PPP2R2D: variants seen among roughly 807,000 people sequenced by gnomAD.
PPP2R2D encodes protein phosphatase 2 regulatory subunit Bdelta.
In PPP2R2D, 9 loss-of-function variants were observed where a neutral mutation model predicts 31.1. That is an observed-to-expected ratio of 0.29 (90% CI 0.17 to 0.51). The LOEUF (loss-of-function observed/expected upper bound fraction) is 0.51. PPP2R2D is among the 20% of genes least tolerant of loss of function. The pLI, the probability that PPP2R2D is intolerant of heterozygous loss-of-function variation, is 0.98. For synonymous variants in PPP2R2D, 179 were observed against 172.6 expected (o/e 1.04, Z -0.29); for missense variants, 391 against 465.6 (o/e 0.84, Z 1.48).
At chr10:131,952,538 T>TTGCGGGTGTGCGGGGGGTTCAC (rs2036676308) in intron 8 of PPP2R2D, among the ~76,000 whole-genome samples, 2 of 29,702 alleles carry the variant, frequency 6.7e-5, no homozygotes, top group African/African-American at 2.3e-4. Flanking sequence ...GTTCACTGTC[T>TTGCGGGTGTGCGGGGGGTTCAC]TAGTGACTTG....
At chr10:131,971,153 A>G in the PPP2R2D span, 1 of 606,982 alleles carries the variant, frequency 1.6e-6, no homozygotes, top group Non-Finnish European at 2.9e-6. Context: ...GCCGCGCCGC[A>G]CTCCCGGCTC....
chr10:131,906,949 G>GA (rs1256217044), intron 2 of PPP2R2D, among the ~76,000 whole-genome samples: 1 of 150,960 alleles, frequency 6.6e-6, no homozygotes, highest in Non-Finnish European at 1.5e-5. Context: ...TCAGAAAAAA[G>GA]AAAAAATAAT....
chr10:131,937,323 C>T (rs1280713421), intron 3 of PPP2R2D, among the ~76,000 whole-genome samples: 2 of 152,194 alleles, frequency 1.3e-5, no homozygotes, highest in East Asian at 1.9e-4. Flanking sequence ...GCCCACAGAA[C>T]GTATGGGTGT....
chr10:131,916,520 A>G (rs1260774656), intron 2 of PPP2R2D, among the ~76,000 whole-genome samples: 1 of 152,190 alleles, frequency 6.6e-6, no homozygotes, highest in African/African-American at 2.4e-5. Context: ...ACTTTGTCCT[A>G]TTAAACAATA....
At chr10:131,965,481 G>A in the PPP2R2D span, among the ~76,000 whole-genome samples, 27 of 152,194 alleles carry the variant, frequency 1.8e-4, no homozygotes, top group South Asian at 2.7e-3. Flanking sequence ...ACAGAGTCTC[G>A]CTCTGTCGCC....
chr10:131,915,643 G>T (rs1367862155), intron 2 of PPP2R2D, among the ~76,000 whole-genome samples: 1 of 152,164 alleles, frequency 6.6e-6, no homozygotes, highest in African/African-American at 2.4e-5. Context: ...TCCATGGGTT[G>T]CCTTTTATCA....
intron 2 of PPP2R2D, among the ~76,000 whole-genome samples, chr10:131,927,370 AAG>A (rs1382667169): frequency 6.6e-6 from 1 of 152,130 alleles, no homozygotes; most frequent in African/African-American, 2.4e-5. Context: ...GTTTCAGACT[AAG>A]AGGATGAATG....
At chr10:131,950,503 A>AT (rs1413198026) in intron 8 of PPP2R2D, among the ~76,000 whole-genome samples, 3 of 151,738 alleles carry the variant, frequency 2.0e-5, no homozygotes, top group Non-Finnish European at 4.4e-5. Flanking sequence ...CAGATCCAGC[A>AT]AGTGTGACTC....
At chr10:131,940,979 C>A in intron 5 of PPP2R2D, 1 of 298,938 alleles carries the variant, frequency 3.3e-6, no homozygotes. Context: ...ACATAGCAAC[C>A]ACCCTTCTCT....
At chr10:131,942,779 C>T (rs1192257086) in intron 5 of PPP2R2D, among the ~76,000 whole-genome samples, 5 of 151,104 alleles carry the variant, frequency 3.3e-5, no homozygotes, top group African/African-American at 1.2e-4. Context: ...AGTATTGCAG[C>T]TATCATATGT....
intron 2 of PPP2R2D, among the ~76,000 whole-genome samples, chr10:131,911,067 C>T (rs2035675357): frequency 6.6e-6 from 1 of 152,192 alleles, no homozygotes; most frequent in Non-Finnish European, 1.5e-5. Flanking sequence ...GATCTGCGTG[C>T]TCAGTGAGGG....
intron 2 of PPP2R2D, among the ~76,000 whole-genome samples, chr10:131,933,167 C>G (rs1026672641): frequency 2.0e-5 from 3 of 152,176 alleles, no homozygotes; most frequent in Non-Finnish European, 2.9e-5. Flanking sequence ...AACTCCCAGG[C>G]CAGGGATTCC....
In PPP2R2D at chr10:131,947,753, C is replaced by T; in HGVS notation, c.1044C>T (p.Ile348=). The T allele has an allele frequency of 6.2e-7, 1 of 1,614,194 alleles. No individual in the cohort carries two copies. The highest frequency in any genetic ancestry group is 1.7e-5 in the Admixed American group (1 of 60,026). Residue 348 remains isoleucine (I), a synonymous_variant, in exon 8 of 9, where the codon ATC becomes ATT. Transcript: ENST00000455566. This position sits in a 1 kb window ranked among gnomAD's most constrained non-coding sequence, Gnocchi z 4.3. The part of the protein sequence containing the change: ...KLCSLYENDC[I]FDKFECCWNG... ...GCTCTCTCTATGAGAACGACTGCAT[C>T]TTTGACAAGTTTGAGTGTTGCTGGA...
At chr10:131,905,242 A>T (rs1202621609) in intron 2 of PPP2R2D, among the ~76,000 whole-genome samples, 1 of 152,026 alleles carries the variant, frequency 6.6e-6, no homozygotes, top group East Asian at 1.9e-4. Flanking sequence ...AAATAGTAAA[A>T]CCAGGGGGCT....
At chr10:131,941,700 G>A (rs1311232889) in intron 5 of PPP2R2D, among the ~76,000 whole-genome samples, 1 of 152,194 alleles carries the variant, frequency 6.6e-6, no homozygotes, top group Non-Finnish European at 1.5e-5. Context: ...CTGTACCGCA[G>A]AAGCCTTTCC....
At chr10:131,969,145 G>A in the PPP2R2D span, 54 of 154,340 alleles carry the variant, frequency 3.5e-4, 2 homozygotes, top group South Asian at 3.3e-3. Flanking sequence ...GTGGGCGGTG[G>A]TGTGGTGGGC....
At chr10:131,942,427 G>A (rs1282701573) in intron 5 of PPP2R2D, among the ~76,000 whole-genome samples, 1 of 152,224 alleles carries the variant, frequency 6.6e-6, no homozygotes, top group African/African-American at 2.4e-5. Flanking sequence ...CATTGACTTA[G>A]GTCGGTATTT....
rs71480020 is a variant in PPP2R2D at position 131,939,549 on chromosome 10, A to G, written c.199-482A>G. Among the ~76,000 whole-genome samples, 385 of 91,422 alleles carry G rather than the reference A, an allele frequency of 4.2e-3. 55 individuals are homozygous for G. The highest frequency in any genetic ancestry group is 7.1e-3 in the Non-Finnish European group (287 of 40,534). The allele number at this position is 91,422 out of a possible 152,430, so 60.0% of individuals were successfully genotyped here. A position where few individuals can be genotyped will look rare whatever the true frequency, so the allele number is the denominator to read the frequency against. On this transcript the variant is annotated intron_variant, in intron 3 of 8. Transcript: ENST00000455566. ...CTGCATTCGGCAGACCTGCTCCAGA[A>G]AATACGGCAGGCTGTATTTGGCAGA...
the PPP2R2D span, chr10:131,970,385 G>A: frequency 1.8e-4 from 98 of 558,286 alleles, no homozygotes; most frequent in African/African-American, 1.4e-3. This position sits in a 1 kb window ranked among gnomAD's most constrained non-coding sequence, Gnocchi z 4.1. Context: ...CTTTGACTCC[G>A]TTTATATTCA....
Sources: gnomAD v4.1 joint callset for allele counts (sites outside exome capture counted in the v4.1 genomes callset) on GRCh38, gnomAD v4.1.1 for gene constraint, Gnocchi (gnomAD v3.1) non-coding constraint, MANE v1.5 for transcripts, NCBI Gene and HGNC (gene_info 2026-07-23, HGNC 2026-07-21) for gene names.